The following SEMA4D variants were observed in gnomAD, a reference collection of about 807,000 sequenced individuals.
SEMA4D encodes the protein semaphorin 4D.
In SEMA4D, 22 loss-of-function variants were observed where a neutral mutation model predicts 74.8. That is an observed-to-expected ratio of 0.29 (90% CI 0.21 to 0.42). The LOEUF (loss-of-function observed/expected upper bound fraction) is 0.42, where lower values mean the gene tolerates loss of function less well. Among genes scored for constraint, SEMA4D ranks in the 10% least tolerant of loss-of-function variants. The pLI is 1.00. For synonymous variants in SEMA4D, 445 were observed against 463.7 expected (o/e 0.96, Z 0.52); for missense variants, 937 against 1,118.4 (o/e 0.84, Z 2.31).
chr9:89,404,602 A>C (rs376288236), intron 3 of SEMA4D, among the ~76,000 whole-genome samples: 1 of 150,522 alleles, frequency 6.6e-6, no homozygotes, highest in African/African-American at 2.4e-5. Context: ...TCCCGTCCCC[A>C]GCCACCCGCC....
chr9:89,362,360 T>C lies in SEMA4D; in HGVS notation c.*42A>G, dbSNP rs375037786. On this transcript the variant is annotated 3_prime_UTR_variant, in exon 19 of 19. Transcript: ENST00000339861. ...GGCTGTGGTCAGTGGCAGCAGGGTC[T>C]TGTTGGGGTTGAGGTCGGTGTCAGG... 9 of 1,613,884 alleles carry C rather than the reference T, an allele frequency of 5.6e-6. No homozygotes were observed. In the African/African-American group the frequency reaches 9.3e-5, roughly 17 times the overall value.
At chr9:89,474,771 A>G (rs1861347458) in intron 1 of SEMA4D, among the ~76,000 whole-genome samples, 1 of 152,220 alleles carries the variant, frequency 6.6e-6, no homozygotes, top group Non-Finnish European at 1.5e-5. Context: ...GATTCTTCCC[A>G]CACCACCACG....
intron 16 of SEMA4D, among the ~76,000 whole-genome samples, chr9:89,370,796 GGGGTGTGGCATGTGTGT>G (rs1834486486): frequency 6.9e-6 from 1 of 145,406 alleles, no homozygotes; most frequent in South Asian, 2.2e-4. Flanking sequence ...GTGTATGTGT[GGGGTGTGGCATGTGTGT>G]GGGTGTGGTG....
intron 2 of SEMA4D, among the ~76,000 whole-genome samples, chr9:89,449,323 C>T (rs1265194253): frequency 6.6e-6 from 1 of 152,224 alleles, no homozygotes; most frequent in Non-Finnish European, 1.5e-5. Flanking sequence ...GGGGCCTGAG[C>T]AGGAGAGGAA....
At position 89,467,017 on chromosome 9, in the gene SEMA4D, C is replaced by G. The variant is rs567741227; in HGVS notation, c.-309-11064G>C. On this transcript the variant is annotated intron_variant, in intron 1 of 15. Coordinates refer to ENST00000422704, the MANE Select transcript of SEMA4D (RefSeq NM_001371194.2). Reference sequence around the variant, plus strand: ...ATGTCACCAACCTCCCAGAAAGAAACTGAATTATTCATCTGCAGCATTCAC... The same window carrying G: ...ATGTCACCAACCTCCCAGAAAGAAAGTGAATTATTCATCTGCAGCATTCAC... Among the ~76,000 whole-genome samples the G allele has an allele frequency of 1.4e-4, 22 of 152,364 alleles. No homozygotes were observed. In the South Asian group the frequency reaches 4.6e-3, roughly 32 times the overall value.
chr9:89,380,877 C>T (rs1442190142), intron 15 of SEMA4D, among the ~76,000 whole-genome samples, 178 bp downstream of exon 15: 3 of 152,228 alleles, frequency 2.0e-5, no homozygotes, highest in Admixed American at 6.5e-5. Flanking sequence ...TTCAAGTACT[C>T]TTTCGGCAAG....
At chr9:89,361,109 T>A (rs80149586) in exon 19 of SEMA4D, 4,506 of 152,296 alleles carry the variant, frequency 0.03, 75 homozygotes, top group African/African-American at 0.042. Flanking sequence ...GATGGTTCCG[T>A]GAGCAAGACT....
intron 1 of SEMA4D, among the ~76,000 whole-genome samples, chr9:89,489,727 C>T (rs534892676): frequency 6.6e-6 from 1 of 152,348 alleles, no homozygotes; most frequent in South Asian, 2.1e-4. Context: ...TATGAATATA[C>T]CACATTTAGC....
At chr9:89,369,866 ATG>A (rs149822470) in intron 16 of SEMA4D, among the ~76,000 whole-genome samples, 8 of 151,200 alleles carry the variant, frequency 5.3e-5, no homozygotes, top group African/African-American at 9.7e-5. Flanking sequence ...TAAGTCAACA[ATG>A]TGTGTGTGTG....
At position 89,388,904 on chromosome 9, in the gene SEMA4D, C is replaced by A; in HGVS notation, c.918G>T (p.Val306=). Residue 306 remains valine, a synonymous_variant, in exon 10 of 16, where the codon GTG becomes GTT. Coordinates refer to ENST00000422704, the MANE Select transcript of SEMA4D (RefSeq NM_001371194.2). ...VFVLRSPGLK[V]PVFYALFTPQ... is the part of the protein sequence containing the mutation. ...GGGTGAAGAGTGCATAGAACACAGG[C>A]ACCTTCAGGCCCGGGGACCTGAGCA... The A allele has an allele frequency of 6.2e-7, 1 of 1,614,144 alleles. No homozygotes were observed. Among genetic ancestry groups the A allele is most frequent in the Non-Finnish European group, 8.5e-7 (1 of 1,180,024 alleles).
At chr9:89,462,108 A>C (rs1857403082) in intron 1 of SEMA4D, among the ~76,000 whole-genome samples, 1 of 152,168 alleles carries the variant, frequency 6.6e-6, no homozygotes, top group Non-Finnish European at 1.5e-5. Flanking sequence ...TAAGAAGGGA[A>C]ATTCTCAGGC....
intron 9 of SEMA4D, among the ~76,000 whole-genome samples, chr9:89,389,712 A>G (rs780202433): frequency 1.3e-5 from 2 of 152,260 alleles, no homozygotes. Flanking sequence ...GTGCAGAAGA[A>G]TATGAAATAG....
intron 2 of SEMA4D, chr9:89,418,697 C>A (rs4590530): frequency 6.6e-6 from 1 of 151,664 alleles, no homozygotes; most frequent in South Asian, 2.1e-4. Flanking sequence ...AGACAGGGAT[C>A]GTGGGGTGCA....
At chr9:89,474,906 C>T (rs886562376) in intron 1 of SEMA4D, among the ~76,000 whole-genome samples, 1 of 152,248 alleles carries the variant, frequency 6.6e-6, no homozygotes, top group Non-Finnish European at 1.5e-5. Context: ...CCCCTGGTGT[C>T]CCACCCTGAA....
intron 4 of SEMA4D, 30 bp downstream of exon 4, chr9:89,402,841 T>C (rs780930072): frequency 3.1e-6 from 5 of 1,603,282 alleles, no homozygotes; most frequent in Admixed American, 3.3e-5. Context: ...AGCTGGGCTA[T>C]GTGGACATGC....
chr9:89,422,278 C>T (rs1403452831), intron 2 of SEMA4D, among the ~76,000 whole-genome samples: 2 of 152,250 alleles, frequency 1.3e-5, no homozygotes, highest in Non-Finnish European at 2.9e-5. Flanking sequence ...AACTCTGACT[C>T]ATTCACTCAA....
intron 2 of SEMA4D, among the ~76,000 whole-genome samples, chr9:89,427,304 G>A (rs1848313158): frequency 6.6e-6 from 1 of 152,144 alleles, no homozygotes; most frequent in Admixed American, 6.5e-5. Flanking sequence ...AGTCACTCAG[G>A]TCCATCCAAC....
At chr9:89,440,452 T>A (rs1851448148) in intron 2 of SEMA4D, among the ~76,000 whole-genome samples, 1 of 152,096 alleles carries the variant, frequency 6.6e-6, no homozygotes, top group South Asian at 2.1e-4. Flanking sequence ...CTCACAATGC[T>A]GTCTGATCCA....
At chr9:89,417,539 GT>G (rs1564701666) in intron 2 of SEMA4D, among the ~76,000 whole-genome samples, 1 of 152,222 alleles carries the variant, frequency 6.6e-6, no homozygotes, top group Non-Finnish European at 1.5e-5. Context: ...TTTGACTTTT[GT>G]TTTCACAAAT....
Sources: gnomAD v4.1 joint callset for allele counts (sites outside exome capture counted in the v4.1 genomes callset) on GRCh38, gnomAD v4.1.1 for gene constraint, MANE v1.5 for transcripts, NCBI Gene and HGNC (gene_info 2026-07-23, HGNC 2026-07-21) for gene names.